Variants in PCDHGB2 observed in about 807,000 individuals in gnomAD.
PCDHGB2 encodes protocadherin gamma subfamily B, 2.
A neutral mutation model predicts 59.3 loss-of-function variants in PCDHGB2; 55 were observed. The ratio of observed to expected loss-of-function variants is 0.93; its 90% CI spans 0.75 to 1.16. The LOEUF (loss-of-function observed/expected upper bound fraction) is 1.16, where lower values mean the gene tolerates loss of function less well. Ranked by LOEUF, PCDHGB2 falls within the 50% of genes most tolerant of loss-of-function variation. The pLI is 0.00. For synonymous variants in PCDHGB2, 516 were observed against 512.0 expected, an observed-to-expected ratio of 1.01 and a Z score of -0.11; for missense variants, 1,228 against 1,198.5, an observed-to-expected ratio of 1.02 and a Z score of -0.36.
chr5:141,409,258 C>G (rs2095247947), intron 1 of PCDHGB2: 2 of 1,613,918 alleles, frequency 1.2e-6, no homozygotes, highest in Non-Finnish European at 8.5e-7. Flanking sequence ...TCACTTCTCT[C>G]TCTGATCAGA....
chr5:141,394,485 A>G (rs376708104), intron 1 of PCDHGB2: 3 of 1,614,184 alleles, frequency 1.9e-6, no homozygotes, highest in Non-Finnish European at 2.5e-6. Flanking sequence ...CCAGAATGAC[A>G]ACGCGCCCGA....
At chr5:141,447,437 G>A (rs1435222330) in intron 1 of PCDHGB2, among the ~76,000 whole-genome samples, 3 of 152,128 alleles carry the variant, frequency 2.0e-5, no homozygotes, top group Non-Finnish European at 2.9e-5. Context: ...CGCACCCGGA[G>A]GAAATTTTTA....
At chr5:141,365,049 C>T in intron 1 of PCDHGB2, 1 of 1,613,898 alleles carries the variant, frequency 6.2e-7, no homozygotes, top group Non-Finnish European at 8.5e-7. Flanking sequence ...GACAATGCGC[C>T]CCTGTTCACC....
rs115340023 is a variant in PCDHGB2 at position 141,387,818 on chromosome 5, G to T, written c.2421+25262G>T. 2,906 of 1,551,554 alleles carry T rather than the reference G, an allele frequency of 1.9e-3. 45 individuals carry two copies. The African/African-American group carries it at 0.028, about 15-fold the overall frequency. ...AGTCCGTTCGGAGATCCAAAAATCT[G>T]CAATACAGAGGTTATTTGTAACCCG... On this transcript the variant is annotated intron_variant, in intron 1 of 3. Transcript: ENST00000522605.
chr5:141,473,626 G>A lies in PCDHGB2; in HGVS notation c.2422-21181G>A, dbSNP rs149882847. ...GCAAAGCAAAGGGAGGGAGGAAAAA[G>A]CAGCTTTCCTGGCAAAGGAACAATT... On this transcript the variant is annotated intron_variant, in intron 1 of 3. Transcript: ENST00000522605. Among the ~76,000 whole-genome samples, 1,234 of 152,276 alleles carry A rather than the reference G, an allele frequency of 8.1e-3. 14 individuals are homozygous for A. Among genetic ancestry groups the A allele is most frequent in the Non-Finnish European group, 0.011 (715 of 68,020 alleles).
chr5:141,383,943 T>C (rs1229813206), intron 1 of PCDHGB2: 1 of 1,613,674 alleles, frequency 6.2e-7, no homozygotes, highest in Admixed American at 1.7e-5. Flanking sequence ...CAGAAGTGAC[T>C]ATGACGTCTT....
At chr5:141,384,648 G>A in intron 1 of PCDHGB2, 1 of 1,614,238 alleles carries the variant, frequency 6.2e-7, no homozygotes, top group Middle Eastern at 1.6e-4. Flanking sequence ...GCTCCGCAGA[G>A]CCCGGCTACC....
At chr5:141,503,384 C>G (rs898225633) in intron 2 of PCDHGB2, among the ~76,000 whole-genome samples, 1 of 151,906 alleles carries the variant, frequency 6.6e-6, no homozygotes, top group Non-Finnish European at 1.5e-5. Flanking sequence ...ATCATGAGGT[C>G]AGGAGTTCGA....
rs543116266 is a variant in PCDHGB2 at position 141,474,428 on chromosome 5, C to A, written c.2422-20379C>A. 3.9e-5 allele frequency among the ~76,000 whole-genome samples: 6 copies of A among 152,346 alleles called. 1 individual carries two copies. In the South Asian group the frequency reaches 1.0e-3, roughly 26 times the overall value. On this transcript the variant is annotated intron_variant, in intron 1 of 3. Coordinates refer to ENST00000522605, the MANE Select transcript of PCDHGB2 (RefSeq NM_018923.3). ...CGGTGATGCCTAGACCATTGGTCCT[C>A]ACACTTTGAGTAGCAAGTGATTGGG...
Position 141,487,278 on chromosome 5 carries a change from T to G in PCDHGB2, c.2422-7529T>G. 6 of 1,614,180 alleles carry G rather than the reference T, an allele frequency of 3.7e-6. No individual in the cohort carries two copies. Among genetic ancestry groups the G allele is most frequent in the Non-Finnish European group, 5.1e-6 (6 of 1,180,040 alleles). On this transcript the variant is annotated intron_variant, in intron 1 of 3. Coordinates refer to ENST00000522605, the MANE Select transcript of PCDHGB2 (RefSeq NM_018923.3). The surrounding 1 kb of genome is among the most constrained non-coding windows in gnomAD (Gnocchi z 5.0). Reference sequence around the variant, plus strand: ...GCTGTGTCCCTAGTGGCAATTTGCTTTGTCTCCTTTGGCTCATTCGTGGCA... The same window carrying G: ...GCTGTGTCCCTAGTGGCAATTTGCTGTGTCTCCTTTGGCTCATTCGTGGCA...
intron 1 of PCDHGB2, chr5:141,375,368 A>C: frequency 1.2e-6 from 2 of 1,613,872 alleles, no homozygotes; most frequent in Non-Finnish European, 1.7e-6. Flanking sequence ...GGACAAAGGA[A>C]CACCACCTCT....
At chr5:141,375,934 C>T in intron 1 of PCDHGB2, 3 of 1,613,738 alleles carry the variant, frequency 1.9e-6, no homozygotes, top group Non-Finnish European at 2.5e-6. Context: ...CAGGACTTTT[C>T]TCAGTGGGCC....
intron 1 of PCDHGB2, chr5:141,399,141 C>G: frequency 6.2e-7 from 1 of 1,613,778 alleles, no homozygotes; most frequent in Non-Finnish European, 8.5e-7. Flanking sequence ...ATGAAAATGA[C>G]AATAGCCCAG....
In PCDHGB2 at chr5:141,431,183, A is replaced by G. The variant is rs1467232519; in HGVS notation, c.2422-63624A>G. Reference sequence around the variant, plus strand: ...TCGTGAAAGTGAATTAGAAATAAAAATTAGTGAAAATGCAGCCACTGAGAT... The same window carrying G: ...TCGTGAAAGTGAATTAGAAATAAAAGTTAGTGAAAATGCAGCCACTGAGAT... On this transcript the variant is annotated intron_variant, in intron 1 of 3. Transcript: ENST00000522605. The surrounding 1 kb of genome is among the most constrained non-coding windows in gnomAD (Gnocchi z 4.8). 1 of 1,614,218 alleles carries G rather than the reference A, an allele frequency of 6.2e-7. No individual in the cohort carries two copies. The highest frequency in any genetic ancestry group is 2.2e-5 in the East Asian group (1 of 44,880).
At chr5:141,484,425 A>G (rs2099596309) in intron 1 of PCDHGB2, among the ~76,000 whole-genome samples, 3 of 152,192 alleles carry the variant, frequency 2.0e-5, no homozygotes, top group African/African-American at 7.2e-5. Flanking sequence ...TACAATGAGA[A>G]CATGTACTGC....
rs1452697214 is a variant in PCDHGB2 at position 141,476,552 on chromosome 5, G to T, written c.2422-18255G>T. ...CCAGGAAATGAAATTGGAGATTAGC[G>T]AGGCCGTGGCTCCGGGGACGCGCTT... On this transcript the variant is annotated intron_variant, in intron 1 of 3. Transcript: ENST00000522605. The surrounding 1 kb of genome is among the most constrained non-coding windows in gnomAD (Gnocchi z 7.6). 6.2e-7 allele frequency: 1 copy of T among 1,614,210 alleles called. No individual in the cohort carries two copies. The highest frequency in any genetic ancestry group is 2.2e-5 in the East Asian group (1 of 44,872).
At position 141,431,387 on chromosome 5, in the gene PCDHGB2, C is replaced by T; in HGVS notation, c.2422-63420C>T. The T allele has an allele frequency of 1.9e-6, 3 of 1,613,938 alleles. 1 individual carries two copies. The South Asian group carries it at 3.3e-5, about 18-fold the overall frequency. Reference sequence around the variant, plus strand: ...CCGCGAAGAAAAGGCTGCTCACCACCTGGTCCTTACGGCCTCCGACGGGGG... The same window carrying T: ...CCGCGAAGAAAAGGCTGCTCACCACTTGGTCCTTACGGCCTCCGACGGGGG... On this transcript the variant is annotated intron_variant, in intron 1 of 3. Coordinates refer to ENST00000522605, the MANE Select transcript of PCDHGB2 (RefSeq NM_018923.3). This position sits in a 1 kb window ranked among gnomAD's most constrained non-coding sequence, Gnocchi z 4.8.
At chr5:141,460,438 T>A (rs1035541143) in intron 1 of PCDHGB2, among the ~76,000 whole-genome samples, 16 of 152,172 alleles carry the variant, frequency 1.1e-4, no homozygotes, top group African/African-American at 3.1e-4. Flanking sequence ...TGGTGTGAGG[T>A]AACAATGAAG....
rs200317374 is a variant in PCDHGB2 at position 141,408,395 on chromosome 5, A to G, written c.2421+45839A>G. On this transcript the variant is annotated intron_variant, in intron 1 of 3. Coordinates refer to ENST00000522605, the MANE Select transcript of PCDHGB2 (RefSeq NM_018923.3). ...CAGTGTCCTGGATGTGTCGGCTCGC[A>G]AGCTGCGAGTGAGCGCGGAGAAGCT... 8.8e-3 allele frequency: 14,159 copies of G among 1,613,888 alleles called. 310 individuals are homozygous for G. Among genetic ancestry groups the G allele is most frequent in the South Asian group, 0.064 (5,857 of 91,072 alleles).
Sources: allele counts gnomAD v4.1 joint callset (sites outside exome capture counted in the v4.1 genomes callset), GRCh38; gene constraint gnomAD v4.1.1; non-coding constraint Gnocchi (gnomAD v3.1); transcripts MANE v1.5; gene names NCBI Gene and HGNC (gene_info 2026-07-23, HGNC 2026-07-21).